Variants in MORC1 observed in about 807,000 individuals in gnomAD.
MORC1 encodes MORC family CW-type zinc finger protein 1.
A neutral mutation model predicts 134.9 loss-of-function variants in MORC1; 59 were observed. That is an observed-to-expected ratio of 0.44 (90% CI 0.35 to 0.54). MORC1 has a LOEUF of 0.54. Among genes scored for constraint, MORC1 ranks in the 20% least tolerant of loss-of-function variants. MORC1 has a pLI of 0.00. For missense variants in MORC1, 947 were observed against 1,134.5 expected (o/e 0.83, Z 2.37); for synonymous variants, 395 against 391.7 (o/e 1.01, Z -0.10).
At chr3:109,072,052 A>C (rs1950330928) in intron 8 of MORC1, among the ~76,000 whole-genome samples, 2 of 152,152 alleles carry the variant, frequency 1.3e-5, no homozygotes, top group Admixed American at 6.5e-5. Flanking sequence ...GAAGGGTACT[A>C]CCTCTTATTT....
chr3:109,027,910 A>C, intron 16 of MORC1, 21 bp from the exon 17 acceptor site: 2 of 1,610,270 alleles, frequency 1.2e-6, no homozygotes, highest in Non-Finnish European at 1.7e-6. Context: ...AACAAGTACA[A>C]GATTAACATC....
At chr3:109,030,369 G>A (rs1576652240) in intron 16 of MORC1, among the ~76,000 whole-genome samples, 1 of 152,126 alleles carries the variant, frequency 6.6e-6, no homozygotes, top group East Asian at 1.9e-4. Flanking sequence ...TTGAATCAAA[G>A]AACTGAGCAA....
intron 8 of MORC1, among the ~76,000 whole-genome samples, chr3:109,087,196 G>A (rs1950630775): frequency 2.0e-5 from 3 of 151,784 alleles, no homozygotes; most frequent in Admixed American, 2.0e-4. Flanking sequence ...GGAGAGTGAG[G>A]TATATGAGAA....
chr3:108,973,597 T>TTG (rs1261977013), intron 24 of MORC1, among the ~76,000 whole-genome samples: 2 of 58,760 alleles, frequency 3.4e-5, no homozygotes, highest in Non-Finnish European at 4.1e-5. Flanking sequence ...TTGTTTTGGT[T>TTG]TTTTTTTTTT....
At chr3:109,060,176 G>C (rs1234368619) in intron 11 of MORC1, among the ~76,000 whole-genome samples, 1 of 151,758 alleles carries the variant, frequency 6.6e-6, no homozygotes, top group Non-Finnish European at 1.5e-5. Context: ...GAAAACTTGG[G>C]TGAGTTATTT....
intron 23 of MORC1, among the ~76,000 whole-genome samples, chr3:108,981,429 T>G (rs972442176): frequency 1.3e-5 from 2 of 152,234 alleles, no homozygotes; most frequent in Non-Finnish European, 2.9e-5. Flanking sequence ...TAATTGCCTG[T>G]TAAAGAATAT....
At chr3:109,007,137 G>C (rs2044590) in intron 17 of MORC1, 46 bp from the exon 18 acceptor site, 600,159 of 1,465,126 alleles carry the variant, frequency 0.41, 126,378 homozygotes, top group Middle Eastern at 0.56. Context: ...GTAAAAATAA[G>C]CTTCAACTGG....
chr3:109,033,169 T>C (rs763348280), intron 15 of MORC1, among the ~76,000 whole-genome samples: 1 of 152,074 alleles, frequency 6.6e-6, no homozygotes, highest in Non-Finnish European at 1.5e-5. Context: ...ACCTACTACC[T>C]GTCTGCTGAC....
intron 25 of MORC1, among the ~76,000 whole-genome samples, chr3:108,970,663 T>TG (rs1455924739): frequency 6.6e-6 from 1 of 152,064 alleles, no homozygotes; most frequent in Non-Finnish European, 1.5e-5. Flanking sequence ...AGCATGGAGG[T>TG]GGAGAAAAGG....
intron 14 of MORC1, among the ~76,000 whole-genome samples, chr3:109,046,398 T>A (rs1342861780): frequency 6.6e-6 from 1 of 152,250 alleles, no homozygotes; most frequent in African/African-American, 2.4e-5. Flanking sequence ...TCATTGTCAC[T>A]GCTCTCCTTT....
At chr3:109,051,279 C>A (rs1949820435) in intron 14 of MORC1, among the ~76,000 whole-genome samples, 1 of 152,176 alleles carries the variant, frequency 6.6e-6, no homozygotes, top group Admixed American at 6.5e-5. Context: ...TCCCTAAAAA[C>A]ACATCAGACT....
At chr3:108,985,204 A>G (rs1482093834) in intron 22 of MORC1, among the ~76,000 whole-genome samples, 1 of 152,198 alleles carries the variant, frequency 6.6e-6, no homozygotes, top group Non-Finnish European at 1.5e-5. Context: ...TCCAGTAGGA[A>G]AGTGAACTTT....
At chr3:109,104,025 G>GAC in intron 3 of MORC1, 108 bp from the exon 4 acceptor site, 1 of 1,019,170 alleles carries the variant, frequency 9.8e-7, no homozygotes, top group South Asian at 1.4e-5. Context: ...GCCACAGAGT[G>GAC]ACAGAGTTAT....
intron 27 of MORC1, among the ~76,000 whole-genome samples, chr3:108,962,667 T>C (rs1044834530): frequency 1.3e-5 from 2 of 152,210 alleles, no homozygotes; most frequent in African/African-American, 4.8e-5. Context: ...TCTCAATTTA[T>C]TTCTAGAATC....
intron 6 of MORC1, among the ~76,000 whole-genome samples, chr3:109,096,912 A>T (rs967329682): frequency 1.3e-5 from 2 of 152,200 alleles, no homozygotes; most frequent in Admixed American, 1.3e-4. Flanking sequence ...GAAAACAGGA[A>T]GGAAAGGCTA....
chr3:109,009,768 T>C (rs1363250172), intron 17 of MORC1, among the ~76,000 whole-genome samples: 1 of 152,188 alleles, frequency 6.6e-6, no homozygotes, highest in Non-Finnish European at 1.5e-5. Context: ...TATGTCTTAC[T>C]GTTGACTATT....
At chr3:109,113,663 T>C (rs1395463047) in intron 2 of MORC1, among the ~76,000 whole-genome samples, 1 of 151,656 alleles carries the variant, frequency 6.6e-6, no homozygotes. Flanking sequence ...CTTTATTCAA[T>C]TTAACTGAAA....
At chr3:109,048,652 G>C (rs1366489494) in intron 14 of MORC1, among the ~76,000 whole-genome samples, 2 of 152,154 alleles carry the variant, frequency 1.3e-5, no homozygotes, top group African/African-American at 4.8e-5. Context: ...CCAAGATCAA[G>C]GTATTGGCAG....
intron 8 of MORC1, among the ~76,000 whole-genome samples, chr3:109,074,758 C>CA (rs1289368985): frequency 6.6e-6 from 1 of 152,154 alleles, no homozygotes; most frequent in African/African-American, 2.4e-5. Flanking sequence ...TTACTTTCCA[C>CA]AGCATGATAG....
Sources: gnomAD v4.1 joint callset for allele counts (sites outside exome capture counted in the v4.1 genomes callset) on GRCh38, gnomAD v4.1.1 for gene constraint, MANE v1.5 for transcripts, NCBI Gene and HGNC (gene_info 2026-07-23, HGNC 2026-07-21) for gene names.